CXorf38: variants seen among roughly 807,000 people sequenced by gnomAD.
The protein encoded by CXorf38 is chromosome X open reading frame 38, also known as uncharacterized protein CXorf38.
In CXorf38, 13 loss-of-function variants were observed where a neutral mutation model predicts 27.5. The ratio of observed to expected loss-of-function variants is 0.47; its 90% confidence interval spans 0.31 to 0.75. The LOEUF (loss-of-function observed/expected upper bound fraction) is 0.75, where lower values mean the gene tolerates loss of function less well. Ranked by LOEUF, CXorf38 falls within the 30% of genes least tolerant of loss-of-function variation. CXorf38 has a pLI of 0.05. For missense variants in CXorf38, 240 were observed against 253.2 expected (o/e 0.95, Z 0.35); for synonymous variants, 100 against 99.8 (o/e 1.00, Z -0.01).
Position 40,628,878 on chromosome X carries a change from C to T in CXorf38, c.*1286G>A, listed in dbSNP as rs1242438211. Reference sequence around the variant, plus strand: ...GCTCCCCTGCTCCTGCCTGACATCCCCGCTTGTAATGCTGGCCTGGGTCCT... The same window carrying T: ...GCTCCCCTGCTCCTGCCTGACATCCTCGCTTGTAATGCTGGCCTGGGTCCT... On this transcript the variant is annotated 3_prime_UTR_variant, in exon 7 of 7. Transcript: ENST00000327877. The T allele has an allele frequency of 9.0e-6, 1 of 111,177 alleles. No individual in the cohort carries two copies. Among genetic ancestry groups the T allele is most frequent in the Non-Finnish European group, 1.9e-5 (1 of 53,084 alleles). The allele number at this position is 111,177 out of a possible 1,213,427, so 9.2% of individuals were successfully genotyped here. A position where few individuals can be genotyped will look rare whatever the true frequency, so the allele number is the denominator to read the frequency against.
intron 2 of CXorf38, chrX:40,640,296 CCA>C: frequency 3.3e-6 from 1 of 299,280 alleles, no homozygotes; most frequent in South Asian, 3.0e-5. Flanking sequence ...CCACTGCACT[CCA>C]GTCTGGATAA....
At chrX:40,636,040 TAC>T (rs1928052141) in intron 5 of CXorf38, among the ~76,000 whole-genome samples, 1 of 112,978 alleles carries the variant, frequency 8.9e-6, no homozygotes, top group Admixed American at 9.4e-5. Context: ...CAGCCCACTT[TAC>T]CATCCACAAA....
intron 2 of CXorf38, among the ~76,000 whole-genome samples, chrX:40,646,245 C>CCAA: frequency 1.9e-5 from 1 of 51,634 alleles, no homozygotes; most frequent in African/African-American, 8.4e-5. Context: ...TGCGCCCGGC[C>CCAA]GTCCTTTCAT....
chrX:40,647,500 C>G lies in CXorf38; in HGVS notation c.21G>C (p.Ala7=). The G allele has an allele frequency of 8.4e-7, 1 of 1,186,519 alleles. No individual in the cohort carries two copies. Among genetic ancestry groups the G allele is most frequent in the Non-Finnish European group, 1.1e-6 (1 of 886,569 alleles). The change falls in exon 1 of 7, where the codon GCG becomes GCC. Residue 7 remains alanine, a synonymous_variant. Transcript: ENST00000327877. ...TGTACTCGGCGCAGTTGAGGCGCGC[C>G]GCTAGCTCCGACAGCACCATGTCTC... MVLSEL[A]ARLNCAEYKN...
chrX:40,635,534 A>G (rs1188145713), intron 5 of CXorf38, among the ~76,000 whole-genome samples: 2 of 113,151 alleles, frequency 1.8e-5, no homozygotes, highest in Non-Finnish European at 3.7e-5. Flanking sequence ...CTAGAAGTCT[A>G]ATCCAGCCAG....
Position 40,647,472 on chromosome X carries a change from T to C in CXorf38, c.49A>G (p.Asn17Asp). The C allele has an allele frequency of 8.4e-7, 1 of 1,190,729 alleles. No homozygotes were observed. The highest frequency in any genetic ancestry group is 1.1e-6 in the Non-Finnish European group (1 of 887,936). Residue 17 changes from asparagine (N) to aspartate (D), a missense_variant, in exon 1 of 7, where the codon AAC (asparagine) becomes GAC (aspartate). Coordinates refer to ENST00000327877, the MANE Select transcript of CXorf38 (RefSeq NM_144970.3). ...AGGCAGTGGCCCGCCTTCACCCAGT[T>C]CTTGTACTCGGCGCAGTTGAGGCGC... is the stretch of plus-strand genomic sequence containing the variant. Reference protein sequence around the residue: ...AARLNCAEYKNWVKAGHCLLL... With the variant: ...AARLNCAEYKDWVKAGHCLLL...
At chrX:40,634,522 AT>A (rs1276526877) in intron 5 of CXorf38, among the ~76,000 whole-genome samples, 2 of 112,694 alleles carry the variant, frequency 1.8e-5, no homozygotes, top group African/African-American at 6.5e-5. Context: ...GCATCTTACC[AT>A]TGATAGTGTC....
At position 40,628,619 on chromosome X, in the gene CXorf38, G is replaced by C. The variant is rs370160014; in HGVS notation, c.*1545C>G. On this transcript the variant is annotated 3_prime_UTR_variant, in exon 7 of 7. Transcript: ENST00000327877. The stretch of plus-strand genomic sequence containing the variant: ...ATAGAAGAAGCATGAACGAATGTGT[G>C]AATTTGTTGAAAGAAAATGATGTCT... The C allele has an allele frequency of 6.2e-5, 7 of 112,469 alleles. No homozygotes were observed. In the East Asian group the frequency reaches 1.9e-3, roughly 31 times the overall value. The allele number at this position is 112,469 out of a possible 1,213,427, so 9.3% of individuals were successfully genotyped here. A position where few individuals can be genotyped will look rare whatever the true frequency, so the allele number is the denominator to read the frequency against.
At chrX:40,641,547 T>C (rs1361859031) in intron 2 of CXorf38, among the ~76,000 whole-genome samples, 1 of 111,212 alleles carries the variant, frequency 9.0e-6, no homozygotes, top group Admixed American at 9.5e-5. Context: ...TGCATCACCA[T>C]GCTTGGCTAA....
chrX:40,627,959 A>G lies in CXorf38; in HGVS notation c.*2205T>C, dbSNP rs1179385804. 8.9e-6 allele frequency: 1 copy of G among 112,273 alleles called. No individual in the cohort carries two copies. The highest frequency in any genetic ancestry group is 9.4e-5 in the Admixed American group (1 of 10,594). 9.3% of individuals were successfully genotyped at this position (112,273 alleles called of 1,213,427 possible). ...TATAAAATGGAAGCGTTCATAACCC[A>G]AAGTTCCTAAAATTAGAAGTCAGAT... is the stretch of plus-strand genomic sequence containing the variant. On this transcript the variant is annotated 3_prime_UTR_variant, in exon 7 of 7. Transcript: ENST00000327877.
intron 2 of CXorf38, among the ~76,000 whole-genome samples, chrX:40,645,665 G>C (rs188562642): frequency 2.8e-4 from 31 of 110,813 alleles, no homozygotes; most frequent in East Asian, 1.1e-3. Context: ...CACCCAGGCT[G>C]GAATGCAGTG....
chrX:40,635,759 A>C (rs960194979), intron 5 of CXorf38, among the ~76,000 whole-genome samples: 29 of 111,242 alleles, frequency 2.6e-4, no homozygotes, highest in African/African-American at 9.5e-4. Context: ...TGCTCCAAGT[A>C]ATCTCCCTGG....
At chrX:40,638,824 C>G (rs193220627) in intron 3 of CXorf38, among the ~76,000 whole-genome samples, 185 bp downstream of exon 3, 12 of 111,977 alleles carry the variant, frequency 1.1e-4, no homozygotes, top group African/African-American at 3.9e-4. Context: ...ATGAGCCACA[C>G]TAGTTTGCTT....
intron 3 of CXorf38, 24 bp downstream of exon 3, chrX:40,638,985 G>A: frequency 1.7e-6 from 2 of 1,207,567 alleles, no homozygotes; most frequent in Non-Finnish European, 2.2e-6. Context: ...CTCAGGGTAT[G>A]CTTTTGAATC....
chrX:40,647,532 G>C lies in CXorf38; in HGVS notation c.-12C>G. The C allele has an allele frequency of 8.5e-7, 1 of 1,177,932 alleles. No homozygotes were observed. The highest frequency in any genetic ancestry group is 1.1e-6 in the Non-Finnish European group (1 of 884,007). ...TCCGACAGCACCATGTCTCCCACTT[G>C]GAACCAGGAGGTTGCGGGGCGTGGC... On this transcript the variant is annotated 5_prime_UTR_variant, in exon 1 of 7. Coordinates refer to ENST00000327877, the MANE Select transcript of CXorf38 (RefSeq NM_144970.3).
chrX:40,646,431 G>T (rs1928579726), intron 2 of CXorf38, among the ~76,000 whole-genome samples: 1 of 110,675 alleles, frequency 9.0e-6, no homozygotes, highest in African/African-American at 3.3e-5. Flanking sequence ...GCCACTTCTG[G>T]CTGTCCCTCT....
intron 2 of CXorf38, among the ~76,000 whole-genome samples, chrX:40,646,301 AG>A (rs1928574784): frequency 9.2e-6 from 1 of 108,819 alleles, no homozygotes; most frequent in African/African-American, 3.4e-5. Flanking sequence ...ACACCACGGC[AG>A]CTGATCCAGG....
At chrX:40,643,073 G>A (rs745515852) in intron 2 of CXorf38, among the ~76,000 whole-genome samples, 1 of 109,790 alleles carries the variant, frequency 9.1e-6, no homozygotes, top group South Asian at 4.0e-4. Flanking sequence ...ACCGCGCCCA[G>A]CCACGCCCGG....
At chrX:40,633,702 G>A (rs1342287015) in intron 5 of CXorf38, among the ~76,000 whole-genome samples, 5 of 111,918 alleles carry the variant, frequency 4.5e-5, no homozygotes, top group Non-Finnish European at 7.5e-5. Context: ...ATCGTCCCTT[G>A]TCCCTAAGCT....
Sources: allele counts gnomAD v4.1 joint callset (sites outside exome capture counted in the v4.1 genomes callset), GRCh38; gene constraint gnomAD v4.1.1; transcripts MANE v1.5; gene names NCBI Gene and HGNC (gene_info 2026-07-23, HGNC 2026-07-21).